The following FGFR2 variants were observed in gnomAD, a reference collection of about 807,000 sequenced individuals.
FGFR2 encodes BEK fibroblast growth factor receptor.
In FGFR2, 19 loss-of-function variants were observed where a neutral mutation model predicts 95.9. The observed-to-expected ratio is 0.20, with a 90% CI of 0.14 to 0.29. The LOEUF (loss-of-function observed/expected upper bound fraction) is 0.29, where lower values mean the gene tolerates loss of function less well. Ranked by LOEUF, FGFR2 falls within the 10% of genes least tolerant of loss-of-function variation. The pLI is 1.00. For missense variants in FGFR2, 707 were observed against 1,056.9 expected, an observed-to-expected ratio of 0.67 and a Z score of 4.59; for synonymous variants, 392 against 393.3, an observed-to-expected ratio of 1.00 and a Z score of 0.04.
intron 2 of FGFR2, among the ~76,000 whole-genome samples, chr10:121,584,245 G>A (rs1273840671): frequency 6.6e-6 from 1 of 151,886 alleles, no homozygotes; most frequent in African/African-American, 2.4e-5. Context: ...GGAGTGTTCA[G>A]GGGAGGTCAC....
intron 10 of FGFR2, among the ~76,000 whole-genome samples, chr10:121,502,471 T>G (rs1426380921): frequency 1.3e-5 from 2 of 152,210 alleles, no homozygotes; most frequent in African/African-American, 2.4e-5. Context: ...AATTATTCAG[T>G]CCTAGCTAAC....
chr10:121,507,247 T>TG (rs1848432890), intron 9 of FGFR2, among the ~76,000 whole-genome samples: 1 of 152,184 alleles, frequency 6.6e-6, no homozygotes, highest in Non-Finnish European at 1.5e-5. Flanking sequence ...GTGTGAGCTT[T>TG]GGGAAATCAC....
intron 15 of FGFR2, among the ~76,000 whole-genome samples, chr10:121,486,663 A>AT (rs1845448311): frequency 1.3e-5 from 2 of 152,188 alleles, no homozygotes; most frequent in African/African-American, 4.8e-5. Context: ...GATGGCCTTG[A>AT]TCTCCTGACC....
intron 6 of FGFR2, among the ~76,000 whole-genome samples, chr10:121,536,074 A>C (rs964684605): frequency 2.0e-5 from 3 of 152,242 alleles, no homozygotes; most frequent in African/African-American, 7.2e-5. Context: ...AGCTGTTATC[A>C]CACAGCAGTG....
At chr10:121,543,542 T>A (rs41295745) in intron 5 of FGFR2, among the ~76,000 whole-genome samples, 133 of 152,006 alleles carry the variant, frequency 8.7e-4, no homozygotes, top group African/African-American at 3.0e-3. Context: ...ATGCATAAAA[T>A]CTTATTCTCC....
At chr10:121,510,501 G>A (rs1848916889) in intron 9 of FGFR2, among the ~76,000 whole-genome samples, 1 of 152,138 alleles carries the variant, frequency 6.6e-6, no homozygotes. Flanking sequence ...CCACCTGATT[G>A]ACCAAAATAC....
At chr10:121,592,327 A>T (rs1284562296) in intron 2 of FGFR2, among the ~76,000 whole-genome samples, 1 of 152,184 alleles carries the variant, frequency 6.6e-6, no homozygotes, top group Non-Finnish European at 1.5e-5. Flanking sequence ...CTGGTGTCCC[A>T]GCACAAATCA....
At chr10:121,586,940 CA>C (rs1450386708) in intron 2 of FGFR2, among the ~76,000 whole-genome samples, 1 of 152,162 alleles carries the variant, frequency 6.6e-6, no homozygotes. Flanking sequence ...ATAGCCAAGG[CA>C]ATCCTAAGCA....
chr10:121,496,185 GAA>G (rs376135530), intron 13 of FGFR2, among the ~76,000 whole-genome samples: 1 of 129,250 alleles, frequency 7.7e-6, no homozygotes, highest in Admixed American at 7.9e-5. Context: ...TGAAGCTTAA[GAA>G]AAAAAAAAAA....
intron 9 of FGFR2, among the ~76,000 whole-genome samples, chr10:121,509,423 T>G (rs1258217273): frequency 3.6e-5 from 2 of 56,168 alleles, no homozygotes; most frequent in Non-Finnish European, 8.6e-5. Flanking sequence ...GAGGAAGTGT[T>G]TTTTTTTTTT....
In FGFR2 at chr10:121,593,964, G is replaced by GT. The variant is rs1863073562; in HGVS notation, c.-148dup. ...CCGAGGCGCTGCCGCTGCTGCTGCA[G>GT]TCACTAAAGGAAAGAGATTGGCGAG... On this transcript the variant is annotated 5_prime_UTR_variant, in exon 2 of 18. Transcript: ENST00000358487. The GT allele has an allele frequency of 2.7e-6, 2 of 746,580 alleles. No homozygotes were observed. The highest frequency in any genetic ancestry group is 4.0e-5 in the Admixed American group (2 of 49,838). 46.2% of individuals were successfully genotyped at this position (746,580 alleles called of 1,614,324 possible).
intron 5 of FGFR2, among the ~76,000 whole-genome samples, chr10:121,546,162 AGCCAT>A (rs1854481931): frequency 1.4e-5 from 2 of 147,152 alleles, no homozygotes; most frequent in Non-Finnish European, 3.0e-5. Context: ...TGAAATATCT[AGCCAT>A]GAAGGTAACC....
At chr10:121,497,646 G>A (rs1443523396) in intron 12 of FGFR2, among the ~76,000 whole-genome samples, 1 of 152,156 alleles carries the variant, frequency 6.6e-6, no homozygotes, top group African/African-American at 2.4e-5. Context: ...ACACACGTGT[G>A]CAATAATTTC....
intron 10 of FGFR2, among the ~76,000 whole-genome samples, 186 bp downstream of exon 10, chr10:121,503,604 A>T (rs199703841): frequency 6.7e-6 from 1 of 148,468 alleles, no homozygotes; most frequent in Admixed American, 6.7e-5. Flanking sequence ...TCAAGGAGTT[A>T]TTTTTTTTTT....
At chr10:121,490,805 C>T (rs183633771) in intron 13 of FGFR2, among the ~76,000 whole-genome samples, 1 of 152,236 alleles carries the variant, frequency 6.6e-6, no homozygotes, top group Admixed American at 6.5e-5. Context: ...TTGATTCCAC[C>T]CCGACCCCTA....
chr10:121,524,127 CACACACACACACACA>C (rs1465664936), intron 6 of FGFR2, among the ~76,000 whole-genome samples: 1 of 148,978 alleles, frequency 6.7e-6, no homozygotes, highest in Non-Finnish European at 1.5e-5. Context: ...CACACACACA[CACACACACACACACA>C]CACACCCCAA....
At position 121,539,080 on chromosome 10, in the gene FGFR2, C is replaced by T. The variant is rs1234558274; in HGVS notation, c.625-365G>A. Among the ~76,000 whole-genome samples the T allele has an allele frequency of 3.3e-5, 5 of 152,326 alleles. No homozygotes were observed. In the South Asian group the frequency reaches 1.0e-3, roughly 32 times the overall value. On this transcript the variant is annotated intron_variant, in intron 5 of 17. Coordinates refer to ENST00000358487, the MANE Select transcript of FGFR2 (RefSeq NM_000141.5). ...CGGGCAGGCGAGCTACCAGTTTGCC[C>T]ATCCACTAGGAAGCCTCAGCCTCTA...
rs1857408490 is a variant in FGFR2, at chr10:121,564,576, G to A, written c.380C>T (p.Ala127Val). The change falls in exon 4 of 18, where the codon GCC (alanine) becomes GTC (valine). Residue 127 changes from alanine to valine, a missense_variant. Coordinates refer to ENST00000358487, the MANE Select transcript of FGFR2 (RefSeq NM_000141.5). ...TWYFMVNVTDAISSGDDEDDT... is the reference protein window; with the variant it reads ...TWYFMVNVTDVISSGDDEDDT... ...ATCCTCATCATCTCCGGATGAGATG[G>A]CATCTGTATGCAAAAGAACATATTC... is the stretch of plus-strand genomic sequence containing the variant. 3 of 1,613,540 alleles carry A rather than the reference G, an allele frequency of 1.9e-6. No individual in the cohort carries two copies. The highest frequency in any genetic ancestry group is 2.5e-6 in the Non-Finnish European group (3 of 1,179,762).
intron 2 of FGFR2, among the ~76,000 whole-genome samples, chr10:121,577,200 G>GAGAGAGAGAGAC (rs1417948540): frequency 8.4e-6 from 1 of 119,358 alleles, no homozygotes; most frequent in African/African-American, 3.4e-5. Context: ...GAGAGAGAGA[G>GAGAGAGAGAGAC]AGAGAGACAC....
Sources: allele counts gnomAD v4.1 joint callset (sites outside exome capture counted in the v4.1 genomes callset), GRCh38; gene constraint gnomAD v4.1.1; transcripts MANE v1.5; gene names NCBI Gene and HGNC (gene_info 2026-07-23, HGNC 2026-07-21).